Variants in STXBP5L observed in about 807,000 individuals in gnomAD.
STXBP5L encodes syntaxin binding protein 5L.
A neutral mutation model predicts 144.5 loss-of-function variants in STXBP5L; 65 were observed. The ratio of observed to expected loss-of-function variants is 0.45; its 90% CI spans 0.37 to 0.55. STXBP5L has a LOEUF of 0.55. Among genes scored for constraint, STXBP5L ranks in the 20% least tolerant of loss-of-function variants. The pLI is 0.00. For missense variants in STXBP5L, 1,298 were observed against 1,405.5 expected, an observed-to-expected ratio of 0.92 and a Z score of 1.22; for synonymous variants, 505 against 469.6, an observed-to-expected ratio of 1.08 and a Z score of -0.97.
intron 5 of STXBP5L, among the ~76,000 whole-genome samples, chr3:121,075,724 G>A (rs1453821664): frequency 1.3e-5 from 2 of 152,082 alleles, no homozygotes; most frequent in African/African-American, 2.4e-5. Context: ...CTTTTTCCCT[G>A]CAGGCTTTAT....
intron 14 of STXBP5L, 147 bp from the exon 15 acceptor site, chr3:121,250,576 G>C (rs1359559381): frequency 1.1e-5 from 7 of 613,212 alleles, no homozygotes; most frequent in African/African-American, 1.9e-5. Context: ...TTTAAGCTTA[G>C]AAATGGTTTA....
intron 3 of STXBP5L, among the ~76,000 whole-genome samples, chr3:121,039,729 A>C (rs1266023229): frequency 1.3e-5 from 2 of 151,548 alleles, no homozygotes; most frequent in African/African-American, 4.8e-5. Flanking sequence ...AAAAAATTTT[A>C]TCTCTTCTCT....
intron 5 of STXBP5L, among the ~76,000 whole-genome samples, chr3:121,096,557 C>T (rs1218260632): frequency 6.6e-6 from 1 of 152,040 alleles, no homozygotes; most frequent in East Asian, 1.9e-4. Context: ...ATGTGCTATT[C>T]GTTTCTGTTT....
At chr3:121,314,036 G>A (rs1157833098) in intron 19 of STXBP5L, among the ~76,000 whole-genome samples, 3 of 151,374 alleles carry the variant, frequency 2.0e-5, no homozygotes, top group African/African-American at 7.3e-5. Context: ...TCCTAGATGG[G>A]ATGGCGGCGG....
chr3:121,145,609 A>T (rs1280352538), intron 7 of STXBP5L, among the ~76,000 whole-genome samples: 1 of 152,042 alleles, frequency 6.6e-6, no homozygotes, highest in Non-Finnish European at 1.5e-5. Context: ...AACAGAGATG[A>T]AGAAAAGAAT....
intron 18 of STXBP5L, among the ~76,000 whole-genome samples, chr3:121,268,732 AT>A (rs200160031): frequency 2.6e-5 from 4 of 151,142 alleles, no homozygotes; most frequent in East Asian, 1.9e-4. Flanking sequence ...TGAATTTTCT[AT>A]TTTTTTTTCA....
intron 5 of STXBP5L, among the ~76,000 whole-genome samples, chr3:121,052,990 T>G (rs999352730): frequency 6.6e-6 from 1 of 152,150 alleles, no homozygotes; most frequent in African/African-American, 2.4e-5. Context: ...TGAACTCCCA[T>G]TCACAATTGC....
intron 22 of STXBP5L, among the ~76,000 whole-genome samples, chr3:121,392,798 T>C (rs2046626317): frequency 7.0e-6 from 1 of 142,348 alleles, no homozygotes; most frequent in African/African-American, 2.5e-5. Context: ...TATATATATA[T>C]ATATATATAT....
chr3:121,052,308 A>G (rs959551593), intron 5 of STXBP5L, among the ~76,000 whole-genome samples: 1 of 152,092 alleles, frequency 6.6e-6, no homozygotes, highest in Non-Finnish European at 1.5e-5. Context: ...AGAATTTAAG[A>G]CCAATATCCC....
intron 3 of STXBP5L, among the ~76,000 whole-genome samples, chr3:120,991,177 AACAG>A (rs1942823374): frequency 6.6e-6 from 1 of 152,126 alleles, no homozygotes; most frequent in South Asian, 2.1e-4. Flanking sequence ...AAAGGATATG[AACAG>A]ACACTTCTCA....
chr3:121,337,039 G>A (rs1233447069), intron 20 of STXBP5L, among the ~76,000 whole-genome samples: 1 of 152,124 alleles, frequency 6.6e-6, no homozygotes, highest in Non-Finnish European at 1.5e-5. Context: ...TTACAAGTGG[G>A]AGCTAAATGA....
chr3:121,418,527 T>C lies in STXBP5L; in HGVS notation c.3417T>C (p.Ser1139=). The change falls in exon 26 of 27, where the codon AGT becomes AGC. Residue 1139 remains serine (S), a synonymous_variant. Coordinates refer to ENST00000471454, the MANE Select transcript of STXBP5L (RefSeq NM_001308330.2). ...AGAAAACTGCAGGCATGATGACCAG[T>C]GCAGAAGCATTTTCCAAACATGCAC... ...LEEKTAGMMT[S]AEAFSKHAHE... is the part of the protein sequence containing the mutation. 6.2e-7 allele frequency: 1 copy of C among 1,614,014 alleles called. No homozygotes were observed. Among genetic ancestry groups the C allele is most frequent in the Non-Finnish European group, 8.5e-7 (1 of 1,179,950 alleles).
intron 9 of STXBP5L, among the ~76,000 whole-genome samples, chr3:121,190,884 C>G (rs1469208304): frequency 1.3e-5 from 2 of 151,298 alleles, no homozygotes; most frequent in East Asian, 2.0e-4. Context: ...GGCAGAGACA[C>G]TCCTCAGTTC....
At chr3:121,026,179 GCTT>G (rs1280012087) in intron 3 of STXBP5L, among the ~76,000 whole-genome samples, 1 of 151,432 alleles carries the variant, frequency 6.6e-6, no homozygotes, top group Non-Finnish European at 1.5e-5. Context: ...TCAAGTACTT[GCTT>G]CTTCTCCAAC....
At chr3:121,018,334 C>A (rs1945288926) in intron 3 of STXBP5L, among the ~76,000 whole-genome samples, 1 of 152,012 alleles carries the variant, frequency 6.6e-6, no homozygotes, top group Non-Finnish European at 1.5e-5. Context: ...TATAAAGCTA[C>A]AGTAATTAAG....
chr3:121,396,523 G>T (rs2046733764), intron 22 of STXBP5L, among the ~76,000 whole-genome samples: 1 of 152,214 alleles, frequency 6.6e-6, no homozygotes, highest in Non-Finnish European at 1.5e-5. Context: ...ATGTGCATAT[G>T]CTAGTCTCCC....
In STXBP5L at chr3:121,422,412, G is replaced by A. The variant is rs2047371259; in HGVS notation, c.*3315G>A. On this transcript the variant is annotated 3_prime_UTR_variant, in exon 27 of 27. Transcript: ENST00000471454. Reference sequence around the variant, plus strand: ...CCTTGGAAGATAAGGCCTTTTTAGTGTTACAGTAGAAAATGGGCCTTTTCA... The same window carrying A: ...CCTTGGAAGATAAGGCCTTTTTAGTATTACAGTAGAAAATGGGCCTTTTCA... 1 of 152,092 alleles carries A rather than the reference G, an allele frequency of 6.6e-6. No homozygotes were observed. Among genetic ancestry groups the A allele is most frequent in the East Asian group, 1.9e-4 (1 of 5,186 alleles). The allele number at this position is 152,092 out of a possible 1,614,324, so 9.4% of individuals were successfully genotyped here. A position where few individuals can be genotyped will look rare whatever the true frequency, so the allele number is the denominator to read the frequency against.
Position 121,114,952 on chromosome 3 carries a change from G to T in STXBP5L, c.498G>T (p.Gln166His), listed in dbSNP as rs778361831. 26 of 1,576,440 alleles carry T rather than the reference G, an allele frequency of 1.6e-5. No homozygotes were observed. The highest frequency in any genetic ancestry group is 2.1e-5 in the Non-Finnish European group (24 of 1,163,878). Residue 166 changes from glutamine (Q) to histidine (H), a missense_variant, in exon 6 of 27, where the codon CAG becomes CAT. Physicochemically the swap from Gln to His is conservative, Grantham distance 24. Coordinates refer to ENST00000471454, the MANE Select transcript of STXBP5L (RefSeq NM_001308330.2). ...TTACTTACTGTCATCTACCTTTCCA[G>T]AGTAAATGGCTTTATGTTGGAACAG... ...ERITYCHLPF[Q>H]SKWLYVGTER...
chr3:121,093,408 C>A (rs1430946453), intron 5 of STXBP5L, among the ~76,000 whole-genome samples: 2 of 151,960 alleles, frequency 1.3e-5, no homozygotes, highest in South Asian at 2.1e-4. Flanking sequence ...GTCCTGGACT[C>A]TTTTTGGTTG....
Sources: gnomAD v4.1 joint callset for allele counts (sites outside exome capture counted in the v4.1 genomes callset) on GRCh38, gnomAD v4.1.1 for gene constraint, MANE v1.5 for transcripts, NCBI Gene and HGNC (gene_info 2026-07-23, HGNC 2026-07-21) for gene names.